MAST3: variants seen among roughly 807,000 people sequenced by gnomAD.
The protein encoded by MAST3 is microtubule associated serine/threonine kinase 3.
In MAST3, 43 loss-of-function variants were observed where a neutral mutation model predicts 127.0. The ratio of observed to expected loss-of-function variants is 0.34; its 90% CI spans 0.27 to 0.44. The LOEUF is 0.44. Among genes scored for constraint, MAST3 ranks in the 20% least tolerant of loss-of-function variants. The pLI, the probability that MAST3 is intolerant of heterozygous loss-of-function variation, is 1.00. For synonymous variants in MAST3, 785 were observed against 809.2 expected (o/e 0.97, Z 0.51); for missense variants, 1,390 against 1,919.1 (o/e 0.72, Z 5.15).
chr19:18,135,473 A>T (rs2041798041), intron 17 of MAST3, among the ~76,000 whole-genome samples: 1 of 152,060 alleles, frequency 6.6e-6, no homozygotes, highest in Admixed American at 6.6e-5. Context: ...TCAAAAAATA[A>T]AAAAAAGAAG....
intron 19 of MAST3, among the ~76,000 whole-genome samples, chr19:18,138,099 A>G (rs969509366): frequency 1.1e-4 from 16 of 151,334 alleles, no homozygotes; most frequent in African/African-American, 3.9e-4. Flanking sequence ...AATCCCAGCT[A>G]TTTGGGAGGC....
chr19:18,144,841 T>C lies in MAST3; in HGVS notation c.2812+148T>C. On this transcript the variant is annotated intron_variant, in intron 23 of 27. Transcript: ENST00000687212. The surrounding 1 kb of genome is among the most constrained non-coding windows in gnomAD (Gnocchi z 4.0). ...ACATGGAGAGCTGGGGAGATGGTGT[T>C]CCCAGTAGAGGGCACTGCACGTGCA... 1 of 998,980 alleles carries C rather than the reference T, an allele frequency of 1.0e-6. No homozygotes were observed. 61.9% of individuals were successfully genotyped at this position (998,980 alleles called of 1,614,324 possible).
intron 3 of MAST3, among the ~76,000 whole-genome samples, chr19:18,119,499 T>G (rs1468488624): frequency 6.6e-6 from 1 of 152,208 alleles, no homozygotes; most frequent in Admixed American, 6.5e-5. Context: ...TGGCTTCAGT[T>G]TCCCAGTCTG....
Position 18,139,049 on chromosome 19 carries a change from G to A in MAST3, c.2130G>A (p.Glu710=). The A allele has an allele frequency of 6.2e-7, 1 of 1,600,772 alleles. No homozygotes were observed. Among genetic ancestry groups the A allele is most frequent in the Non-Finnish European group, 8.5e-7 (1 of 1,173,880 alleles). ...RSERYRHLGS[E]DDETNDEESS... Reference sequence around the variant, plus strand: ...AACGTTACCGCCATCTGGGCTCCGAGGACGACGAGACCAATGATGAAGAAT... The same window carrying A: ...AACGTTACCGCCATCTGGGCTCCGAAGACGACGAGACCAATGATGAAGAAT... Residue 710 remains glutamate (E), a synonymous_variant, in exon 20 of 28, where the codon GAG becomes GAA. Coordinates refer to ENST00000687212, the MANE Select transcript of MAST3 (RefSeq NM_001393504.1).
At chr19:18,143,145 G>A (rs995240448) in intron 21 of MAST3, among the ~76,000 whole-genome samples, 16 of 151,516 alleles carry the variant, frequency 1.1e-4, no homozygotes, top group Non-Finnish European at 2.1e-4. Flanking sequence ...ACAAAAAATT[G>A]CAGAGATGGG....
chr19:18,125,071 C>T (rs1170829890), intron 11 of MAST3, among the ~76,000 whole-genome samples: 1 of 152,042 alleles, frequency 6.6e-6, no homozygotes, highest in African/African-American at 2.4e-5. Context: ...CGCGCCACTG[C>T]ACTCCAACCT....
At chr19:18,147,206 C>T (rs1368819367) in intron 26 of MAST3, among the ~76,000 whole-genome samples, 162 bp downstream of exon 26, 10 of 148,966 alleles carry the variant, frequency 6.7e-5, no homozygotes, top group Admixed American at 3.4e-4. Context: ...CGGGTTCAAG[C>T]GACTGTCCTG....
intron 19 of MAST3, 48 bp downstream of exon 19, chr19:18,137,409 C>T: frequency 6.3e-7 from 1 of 1,587,962 alleles, no homozygotes; most frequent in Non-Finnish European, 8.6e-7. Context: ...CTCTGCCATC[C>T]CTCAGTCCCT....
chr19:18,100,609 CAGCCCG>C (rs1368999235), intron 1 of MAST3, among the ~76,000 whole-genome samples: 2 of 152,230 alleles, frequency 1.3e-5, no homozygotes, highest in African/African-American at 4.8e-5. Flanking sequence ...ATTCTCCCAA[CAGCCCG>C]AGTGGTCAGT....
At chr19:18,114,107 C>G (rs550245557) in intron 3 of MAST3, among the ~76,000 whole-genome samples, 1 of 152,302 alleles carries the variant, frequency 6.6e-6, no homozygotes, top group South Asian at 2.1e-4. Context: ...CCAACCACCC[C>G]CTCCTTCCAG....
At chr19:18,131,828 A>C (rs1215047994) in intron 14 of MAST3, 81 bp from the exon 15 acceptor site, 1 of 1,463,810 alleles carries the variant, frequency 6.8e-7, no homozygotes, top group Non-Finnish European at 9.2e-7. Flanking sequence ...AGGAGGATGC[A>C]TAGGCATTGG....
chr19:18,100,126 C>CTTTTTTTTTT (rs201140700), intron 1 of MAST3, among the ~76,000 whole-genome samples: 11 of 117,044 alleles, frequency 9.4e-5, no homozygotes, highest in African/African-American at 3.2e-4. Flanking sequence ...CTCTCTCTCT[C>CTTTTTTTTTT]TCTTTTTTTT....
chr19:18,102,573 C>T (rs1238341143), intron 1 of MAST3, among the ~76,000 whole-genome samples: 2 of 151,424 alleles, frequency 1.3e-5, no homozygotes, highest in African/African-American at 4.9e-5. Context: ...CCTCCGCCTC[C>T]GGGGTTCAAG....
chr19:18,144,843 C>T lies in MAST3; in HGVS notation c.2812+150C>T, dbSNP rs913113522. The T allele has an allele frequency of 3.4e-5, 34 of 987,750 alleles. No homozygotes were observed. The highest frequency in any genetic ancestry group is 4.8e-5 in the Non-Finnish European group (31 of 646,790). 61.2% of individuals were successfully genotyped at this position (987,750 alleles called of 1,614,324 possible). On this transcript the variant is annotated intron_variant, in intron 23 of 27. Coordinates refer to ENST00000687212, the MANE Select transcript of MAST3 (RefSeq NM_001393504.1). The surrounding 1 kb of genome is among the most constrained non-coding windows in gnomAD (Gnocchi z 4.0). The stretch of plus-strand genomic sequence containing the variant: ...ATGGAGAGCTGGGGAGATGGTGTTC[C>T]CAGTAGAGGGCACTGCACGTGCAAA...
chr19:18,114,814 C>T (rs1321380894), intron 3 of MAST3, among the ~76,000 whole-genome samples: 1 of 152,210 alleles, frequency 6.6e-6, no homozygotes, highest in Non-Finnish European at 1.5e-5. Flanking sequence ...CCTTCTGGAG[C>T]CTCAAATCCC....
intron 6 of MAST3, 69 bp downstream of exon 6, chr19:18,122,820 G>GT: frequency 3.4e-6 from 5 of 1,487,608 alleles, no homozygotes; most frequent in Admixed American, 3.8e-5. Context: ...ATCTTTGTGT[G>GT]TTTTTTTCAA....
chr19:18,111,533 T>C (rs1311397997), intron 3 of MAST3, among the ~76,000 whole-genome samples: 1 of 104,544 alleles, frequency 9.6e-6, no homozygotes, highest in Non-Finnish European at 2.3e-5. Context: ...CCACAGACTT[T>C]TTTTTTTTTT....
chr19:18,147,726 T>G, intron 27 of MAST3, 102 bp downstream of exon 27: 1 of 850,554 alleles, frequency 1.2e-6, no homozygotes, highest in Non-Finnish European at 1.8e-6. Flanking sequence ...TGACACGATG[T>G]AGGGAAAAAG....
chr19:18,123,147 G>T (rs1017746559), intron 6 of MAST3, 70 bp from the exon 7 acceptor site: 2 of 1,543,168 alleles, frequency 1.3e-6, no homozygotes, highest in African/African-American at 1.4e-5. Context: ...GCCTTGAGGG[G>T]TGGTGCTGGG....
Sources: allele counts gnomAD v4.1 joint callset (sites outside exome capture counted in the v4.1 genomes callset), GRCh38; gene constraint gnomAD v4.1.1; non-coding constraint Gnocchi (gnomAD v3.1); transcripts MANE v1.5; gene names NCBI Gene and HGNC (gene_info 2026-07-23, HGNC 2026-07-21).